Variants in GRID1 observed in about 807,000 individuals in gnomAD.
GRID1 encodes the protein glutamate receptor ionotropic, delta-1.
GRID1 carries 28 observed loss-of-function variants against 98.0 expected under a neutral mutation model. That is an observed-to-expected ratio of 0.29 (90% CI 0.21 to 0.39). GRID1 has a LOEUF of 0.39. GRID1 is among the 10% of genes least tolerant of loss of function. The pLI is 1.00. For synonymous variants in GRID1, 553 were observed against 538.5 expected (o/e 1.03, Z -0.37); for missense variants, 1,111 against 1,340.5 (o/e 0.83, Z 2.67).
chr10:85,696,432 A>G (rs754107583), intron 12 of GRID1, among the ~76,000 whole-genome samples: 2 of 152,146 alleles, frequency 1.3e-5, no homozygotes, highest in Non-Finnish European at 2.9e-5. Context: ...CTCTAAAAAT[A>G]TGGACTAACT....
chr10:86,158,755 T>C (rs1168720023), intron 3 of GRID1, among the ~76,000 whole-genome samples: 1 of 152,128 alleles, frequency 6.6e-6, no homozygotes, highest in African/African-American at 2.4e-5. Context: ...GATCCCACAC[T>C]ATCCAATGTG....
At chr10:85,699,053 T>G (rs1393252341) in intron 12 of GRID1, among the ~76,000 whole-genome samples, 1 of 152,056 alleles carries the variant, frequency 6.6e-6, no homozygotes, top group East Asian at 1.9e-4. Flanking sequence ...TTTGTTTTGT[T>G]TTTTGTTTTG....
At chr10:85,976,155 G>A (rs1842469850) in intron 4 of GRID1, among the ~76,000 whole-genome samples, 1 of 152,106 alleles carries the variant, frequency 6.6e-6, no homozygotes, top group African/African-American at 2.4e-5. Context: ...TTAATAAGAA[G>A]CATTTATTTT....
chr10:85,760,220 C>A (rs1196148749), intron 8 of GRID1, among the ~76,000 whole-genome samples: 2 of 152,188 alleles, frequency 1.3e-5, no homozygotes, highest in African/African-American at 4.8e-5. Context: ...ATGAAAAGTG[C>A]TGACCATCAG....
At chr10:86,079,320 C>A (rs1288080159) in intron 4 of GRID1, among the ~76,000 whole-genome samples, 1 of 152,172 alleles carries the variant, frequency 6.6e-6, no homozygotes, top group Non-Finnish European at 1.5e-5. Flanking sequence ...CTGAAGTCAT[C>A]CTGGTTCTCC....
chr10:86,179,169 G>A (rs1454738834), intron 3 of GRID1, among the ~76,000 whole-genome samples: 1 of 151,344 alleles, frequency 6.6e-6, no homozygotes, highest in Admixed American at 6.6e-5. Context: ...CTCCACTGGG[G>A]CCCACAGCAC....
intron 2 of GRID1, among the ~76,000 whole-genome samples, chr10:86,330,375 C>T (rs572419693): frequency 7.7e-4 from 118 of 152,294 alleles, no homozygotes; most frequent in African/African-American, 2.7e-3. Context: ...CAAGTTTGGA[C>T]GCTGGGTCCA....
chr10:86,144,810 G>A (rs1269569052), intron 3 of GRID1, among the ~76,000 whole-genome samples: 2 of 152,212 alleles, frequency 1.3e-5, no homozygotes, highest in East Asian at 1.9e-4. Context: ...CTGTTCTCAC[G>A]TGTCTGAGAA....
intron 6 of GRID1, among the ~76,000 whole-genome samples, chr10:85,866,914 G>C (rs11817276): frequency 0.074 from 11,252 of 152,190 alleles, 471 homozygotes; most frequent in Middle Eastern, 0.13. Flanking sequence ...CTGGGTCTCA[G>C]CAGGAACAGA....
At chr10:85,658,346 G>T (rs1840926686) in intron 12 of GRID1, among the ~76,000 whole-genome samples, 1 of 152,100 alleles carries the variant, frequency 6.6e-6, no homozygotes, top group Non-Finnish European at 1.5e-5. Context: ...GCTAACACTT[G>T]CTTTATACTG....
chr10:85,886,962 A>T (rs190645193), intron 5 of GRID1, among the ~76,000 whole-genome samples: 1 of 152,226 alleles, frequency 6.6e-6, no homozygotes, highest in Non-Finnish European at 1.5e-5. Flanking sequence ...TCTATCAAAC[A>T]TCTGTGTGAT....
At chr10:86,296,937 A>G (rs1847602123) in intron 2 of GRID1, among the ~76,000 whole-genome samples, 1 of 152,202 alleles carries the variant, frequency 6.6e-6, no homozygotes, top group South Asian at 2.1e-4. Flanking sequence ...ATTTAGAAAT[A>G]AACTTCACTA....
At chr10:85,782,184 G>A (rs1400213778) in intron 8 of GRID1, among the ~76,000 whole-genome samples, 1 of 151,976 alleles carries the variant, frequency 6.6e-6, no homozygotes, top group Admixed American at 6.6e-5. Context: ...TACCAATTAC[G>A]ACACTTAACA....
intron 2 of GRID1, among the ~76,000 whole-genome samples, chr10:86,320,004 G>A (rs1282664458): frequency 1.3e-5 from 2 of 152,234 alleles, no homozygotes; most frequent in Non-Finnish European, 2.9e-5. Flanking sequence ...CATAAGCACA[G>A]AGCATCCTGG....
chr10:85,682,997 T>G (rs1362593915), intron 12 of GRID1, among the ~76,000 whole-genome samples: 3 of 152,218 alleles, frequency 2.0e-5, no homozygotes, highest in African/African-American at 7.2e-5. Context: ...TTTCTACTTT[T>G]GTTGTTGTTG....
At chr10:86,050,805 A>T (rs919752610) in intron 4 of GRID1, among the ~76,000 whole-genome samples, 3 of 152,022 alleles carry the variant, frequency 2.0e-5, no homozygotes, top group Non-Finnish European at 4.4e-5. Context: ...TTGCAATGGA[A>T]TGTCAATAGG....
In GRID1 at chr10:85,729,633, G is replaced by C. The variant is rs372444528; in HGVS notation, c.1234-19C>G. The C allele has an allele frequency of 9.3e-6, 14 of 1,506,926 alleles. No homozygotes were observed. The African/African-American group carries it at 1.9e-4, about 21-fold the overall frequency. The allele number at this position is 1,506,926 out of a possible 1,614,324, so 93.3% of individuals were successfully genotyped here. ...TCGCCAACTGTGAAGGAAAAATAAA[G>C]ATTGTGAGGGATGGAACTGGCACCC... On this transcript the variant is annotated intron_variant, in intron 8 of 15. Transcript: ENST00000327946.
Position 85,600,294 on chromosome 10 carries a change from T to A in GRID1, c.*1979A>T, listed in dbSNP as rs1348778146. ...TCTGATTGGAGAAATGTCAATGGAT[T>A]GCCTAGGTAGCACGAATATCAGACC... On this transcript the variant is annotated 3_prime_UTR_variant, in exon 16 of 16. Transcript: ENST00000327946. 1 of 152,142 alleles carries A rather than the reference T, an allele frequency of 6.6e-6. No individual in the cohort carries two copies. The highest frequency in any genetic ancestry group is 1.5e-5 in the Non-Finnish European group (1 of 68,028). The allele number at this position is 152,142 out of a possible 1,614,324, so 9.4% of individuals were successfully genotyped here.
chr10:85,899,643 G>T (rs1490804648), intron 5 of GRID1, among the ~76,000 whole-genome samples: 1 of 152,164 alleles, frequency 6.6e-6, no homozygotes, highest in Non-Finnish European at 1.5e-5. Flanking sequence ...GCACACAGTA[G>T]GCACTCAGCA....
Sources: allele counts gnomAD v4.1 joint callset (sites outside exome capture counted in the v4.1 genomes callset), GRCh38; gene constraint gnomAD v4.1.1; transcripts MANE v1.5; gene names NCBI Gene and HGNC (gene_info 2026-07-23, HGNC 2026-07-21).